The following LIN7A variants were observed in gnomAD, a reference collection of about 807,000 sequenced individuals.
LIN7A encodes lin-7 cell polarity scaffold A.
Under a neutral mutation model 29.8 loss-of-function variants are expected in LIN7A, and 25 were observed. That is an observed-to-expected ratio of 0.84 (90% CI 0.61 to 1.17). The LOEUF is 1.17. Among genes scored for constraint, LIN7A ranks in the 50% most tolerant of loss-of-function variants. LIN7A has a pLI of 0.00. For missense variants in LIN7A, 239 were observed against 287.0 expected (o/e 0.83, Z 1.21); for synonymous variants, 118 against 107.5 (o/e 1.10, Z -0.60).
rs11114639 is a variant in LIN7A at position 80,853,539 on chromosome 12, T to C, written c.202-5217A>G. 9.1e-3 allele frequency among the ~76,000 whole-genome samples: 1,392 copies of C among 152,140 alleles called. 12 individuals carry two copies. The highest frequency in any genetic ancestry group is 0.017 in the Middle Eastern group (5 of 294). On this transcript the variant is annotated intron_variant, in intron 2 of 5. Coordinates refer to ENST00000552864, the MANE Select transcript of LIN7A (RefSeq NM_004664.4). ...TACATTATCATGGAAGATATATGGG[T>C]AGCAAATATGAAAAGATACTCAACA...
intron 4 of LIN7A, among the ~76,000 whole-genome samples, chr12:80,844,177 G>C (rs1872953365): frequency 6.6e-6 from 1 of 152,012 alleles, no homozygotes; most frequent in African/African-American, 2.4e-5. Flanking sequence ...TCCTCTACCA[G>C]AAAGTTAGAC....
At chr12:80,842,754 A>G (rs2121547486) in intron 4 of LIN7A, among the ~76,000 whole-genome samples, 1 of 152,276 alleles carries the variant, frequency 6.6e-6, no homozygotes, top group South Asian at 2.1e-4. Flanking sequence ...GTGACTATGA[A>G]CAAGTCACTG....
rs1472091015 is a variant in LIN7A, at chr12:80,795,434, T to C, written c.*2293A>G. ...GGTATGCCTTTATCAGCACTTAACA[T>C]TAACCAAATGAAGCATAAATACAAA... On this transcript the variant is annotated 3_prime_UTR_variant, in exon 6 of 6. Transcript: ENST00000552864. The C allele has an allele frequency of 1.3e-5, 2 of 152,084 alleles. No individual in the cohort carries two copies. Among genetic ancestry groups the C allele is most frequent in the Non-Finnish European group, 2.9e-5 (2 of 67,988 alleles). 9.4% of individuals were successfully genotyped at this position (152,084 alleles called of 1,614,324 possible). A position where few individuals can be genotyped will look rare whatever the true frequency, so the allele number is the denominator to read the frequency against.
At chr12:80,927,306 C>T (rs894621445) in intron 1 of LIN7A, among the ~76,000 whole-genome samples, 1 of 151,756 alleles carries the variant, frequency 6.6e-6, no homozygotes. Context: ...GGACTACAGG[C>T]GCCCGCCACC....
chr12:80,816,457 T>C (rs1013702070), intron 4 of LIN7A, among the ~76,000 whole-genome samples: 2 of 150,156 alleles, frequency 1.3e-5, no homozygotes, highest in African/African-American at 4.9e-5. Context: ...CACACTATTA[T>C]ATACATTAGT....
chr12:80,929,792 G>T (rs1333220135), intron 1 of LIN7A, among the ~76,000 whole-genome samples: 3 of 151,978 alleles, frequency 2.0e-5, no homozygotes, highest in African/African-American at 7.3e-5. Flanking sequence ...CAAATAGATT[G>T]CCCTATAGTT....
intron 1 of LIN7A, among the ~76,000 whole-genome samples, chr12:80,914,738 A>G (rs1048095206): frequency 6.6e-6 from 1 of 152,104 alleles, no homozygotes; most frequent in Non-Finnish European, 1.5e-5. Flanking sequence ...ACTATGGGCA[A>G]CCTCTATTAA....
At chr12:80,873,689 A>G (rs543923561) in intron 2 of LIN7A, among the ~76,000 whole-genome samples, 9 of 152,148 alleles carry the variant, frequency 5.9e-5, no homozygotes, top group Non-Finnish European at 1.2e-4. Context: ...ATCTGTCATT[A>G]ATGCCACTGG....
chr12:80,851,368 T>C (rs1323442196), intron 2 of LIN7A, among the ~76,000 whole-genome samples: 2 of 151,946 alleles, frequency 1.3e-5, no homozygotes, highest in African/African-American at 4.8e-5. Flanking sequence ...TTTTTTTTTT[T>C]TGTCTACAAA....
chr12:80,845,772 T>C lies in LIN7A; in HGVS notation c.441A>G (p.Gly147=), dbSNP rs773221131. 6.2e-7 allele frequency: 1 copy of C among 1,613,974 alleles called. No homozygotes were observed. The highest frequency in any genetic ancestry group is 1.1e-5 in the South Asian group (1 of 91,056). ...IIPGGVAERH[G]GLKRGDQLLS... ...GCAGCTGGTCTCCTCTTTTGAGGCCTCCGTGTCTTTCAGCCACCCCTCCAG... is the reference window on the plus strand; with the variant it reads ...GCAGCTGGTCTCCTCTTTTGAGGCCCCCGTGTCTTTCAGCCACCCCTCCAG... Residue 147 remains glycine, a synonymous_variant, in exon 4 of 6, where the codon GGA becomes GGG. Transcript: ENST00000552864.
intron 5 of LIN7A, among the ~76,000 whole-genome samples, chr12:80,806,458 A>C (rs974024395): frequency 6.6e-6 from 1 of 152,220 alleles, no homozygotes; most frequent in African/African-American, 2.4e-5. Flanking sequence ...CAGTACTTGC[A>C]TTAAATCTTT....
chr12:80,867,571 C>T (rs1874207403), intron 2 of LIN7A, among the ~76,000 whole-genome samples: 1 of 152,074 alleles, frequency 6.6e-6, no homozygotes, highest in Non-Finnish European at 1.5e-5. Context: ...TAACAGATAG[C>T]TTTCAATCTA....
Position 80,795,904 on chromosome 12 carries a change from AC to A in LIN7A, c.*1822del, listed in dbSNP as rs1243634197. The A allele has an allele frequency of 6.6e-6, 1 of 151,634 alleles. No homozygotes were observed. Among genetic ancestry groups the A allele is most frequent in the Non-Finnish European group, 1.5e-5 (1 of 67,964 alleles). 9.4% of individuals were successfully genotyped at this position (151,634 alleles called of 1,614,324 possible). A position where few individuals can be genotyped will look rare whatever the true frequency, so the allele number is the denominator to read the frequency against. On this transcript the variant is annotated 3_prime_UTR_variant, in exon 6 of 6. Transcript: ENST00000552864. ...GGGTCCTAACTGCCCCCACCTCACC[AC>A]CCCCGTTCTCTCTAGTAAAAAATGA...
At chr12:80,908,070 C>A (rs577404533) in intron 1 of LIN7A, among the ~76,000 whole-genome samples, 2 of 152,148 alleles carry the variant, frequency 1.3e-5, no homozygotes, top group African/African-American at 4.8e-5. Flanking sequence ...CCTGAGATAT[C>A]AGTGATGAAG....
intron 2 of LIN7A, among the ~76,000 whole-genome samples, chr12:80,861,813 A>G (rs987324783): frequency 6.6e-6 from 1 of 152,216 alleles, no homozygotes; most frequent in Non-Finnish European, 1.5e-5. Context: ...CAGAAAACAG[A>G]CATGACTTAA....
At chr12:80,878,087 G>A (rs1874809916) in intron 2 of LIN7A, among the ~76,000 whole-genome samples, 1 of 152,178 alleles carries the variant, frequency 6.6e-6, no homozygotes, top group Non-Finnish European at 1.5e-5. Context: ...ATAGCAAATA[G>A]AAAGGCTTGG....
chr12:80,861,619 C>G (rs937727064), intron 2 of LIN7A: 2 of 152,310 alleles, frequency 1.3e-5, no homozygotes, highest in Non-Finnish European at 2.9e-5. Context: ...CTTTACTGTC[C>G]TGACTGTCTC....
In LIN7A at chr12:80,934,650, G is replaced by T. The variant is rs192119811; in HGVS notation, c.82+2991C>A. 9.2e-5 allele frequency among the ~76,000 whole-genome samples: 14 copies of T among 152,312 alleles called. No individual in the cohort carries two copies. In the East Asian group the frequency reaches 2.5e-3, roughly 27 times the overall value. ...CCTGAAGACTATATCCATGTATGAT[G>T]TCAAAAGGTAGCAAACAAAAATAAT... On this transcript the variant is annotated intron_variant, in intron 1 of 5. Transcript: ENST00000552864.
At chr12:80,807,085 T>TTG (rs1565883965) in intron 5 of LIN7A, among the ~76,000 whole-genome samples, 4 of 141,428 alleles carry the variant, frequency 2.8e-5, no homozygotes, top group African/African-American at 5.3e-5. Flanking sequence ...TTTTTTTTTT[T>TTG]TTTTTTGACG....
Sources: gnomAD v4.1 joint callset for allele counts (sites outside exome capture counted in the v4.1 genomes callset) on GRCh38, gnomAD v4.1.1 for gene constraint, MANE v1.5 for transcripts, NCBI Gene and HGNC (gene_info 2026-07-23, HGNC 2026-07-21) for gene names.